Variants in SKAP1 observed in about 807,000 individuals in gnomAD.
SKAP1 encodes src kinase associated phosphoprotein 1.
SKAP1 carries 44 observed loss-of-function variants against 58.5 expected under a neutral mutation model. That is an observed-to-expected ratio of 0.75 (90% CI 0.59 to 0.97). The LOEUF (loss-of-function observed/expected upper bound fraction) is 0.97. Ranked by LOEUF, SKAP1 falls within the 50% of genes least tolerant of loss-of-function variation. The pLI is 0.00. For missense variants in SKAP1, 390 were observed against 435.2 expected, an observed-to-expected ratio of 0.90 and a Z score of 0.92; for synonymous variants, 127 against 149.7, an observed-to-expected ratio of 0.85 and a Z score of 1.11.
chr17:48,193,756 A>G, intron 4 of SKAP1: 1 of 984,524 alleles, frequency 1.0e-6, no homozygotes, highest in Non-Finnish European at 1.2e-6. Flanking sequence ...GGAATCTTGT[A>G]TGCCTGGATC....
rs1056910668 is a variant in SKAP1 at position 48,189,361 on chromosome 17, T to G, written c.358+62A>C. 30 of 1,395,930 alleles carry G rather than the reference T, an allele frequency of 2.1e-5. No individual in the cohort carries two copies. The African/African-American group carries it at 3.7e-4, about 17-fold the overall frequency. 86.5% of individuals were successfully genotyped at this position (1,395,930 alleles called of 1,614,324 possible). On this transcript the variant is annotated intron_variant, in intron 5 of 12. Transcript: ENST00000336915. ...GAGAAGGCATCCAATGTGTTAGCCT[T>G]CTTTTTCCTCACTTCCCTTCCCTTC...
At chr17:48,270,581 T>A (rs1309771641) in intron 4 of SKAP1, among the ~76,000 whole-genome samples, 1 of 152,072 alleles carries the variant, frequency 6.6e-6, no homozygotes, top group Non-Finnish European at 1.5e-5. Flanking sequence ...GACCTAGTGA[T>A]CTGCCGGCCT....
intron 4 of SKAP1, among the ~76,000 whole-genome samples, chr17:48,280,652 T>C (rs1275725944): frequency 6.6e-6 from 1 of 152,226 alleles, no homozygotes; most frequent in Non-Finnish European, 1.5e-5. Flanking sequence ...AAAAGCTCCT[T>C]TTTGCCCCTT....
chr17:48,219,929 A>G (rs886459508), intron 4 of SKAP1, among the ~76,000 whole-genome samples: 3 of 152,216 alleles, frequency 2.0e-5, no homozygotes, highest in Non-Finnish European at 4.4e-5. Flanking sequence ...GTACAATGGA[A>G]GCAGGAAAAA....
chr17:48,326,976 C>T (rs2066446118), intron 4 of SKAP1, among the ~76,000 whole-genome samples: 1 of 149,568 alleles, frequency 6.7e-6, no homozygotes, highest in Non-Finnish European at 1.5e-5. Flanking sequence ...ACTGCAACCT[C>T]TGTCTCCCAC....
chr17:48,182,943 A>T (rs1446522706), intron 7 of SKAP1, among the ~76,000 whole-genome samples: 2 of 152,214 alleles, frequency 1.3e-5, no homozygotes, highest in Non-Finnish European at 2.9e-5. Flanking sequence ...TGGTGGACAG[A>T]GTTGGACATT....
intron 2 of SKAP1, among the ~76,000 whole-genome samples, chr17:48,367,136 C>A (rs936400484): frequency 6.6e-6 from 1 of 151,980 alleles, no homozygotes. Context: ...TCTTGTCAGT[C>A]GAGAAGAAAT....
At chr17:48,320,031 C>A (rs766798090) in intron 4 of SKAP1, among the ~76,000 whole-genome samples, 8 of 151,596 alleles carry the variant, frequency 5.3e-5, no homozygotes, top group African/African-American at 7.3e-5. Context: ...GTTAAAAAAA[C>A]CCTGAAAACA....
chr17:48,157,238 CT>C (rs11314766), intron 11 of SKAP1, among the ~76,000 whole-genome samples: 125,727 of 143,412 alleles, frequency 0.88, 55,039 homozygotes, highest in Admixed American at 0.91. Flanking sequence ...TGGGGAGCAT[CT>C]TTTTTTTTTT....
intron 4 of SKAP1, among the ~76,000 whole-genome samples, chr17:48,271,959 G>A (rs1336093889): frequency 6.6e-6 from 1 of 151,672 alleles, no homozygotes; most frequent in African/African-American, 2.4e-5. Flanking sequence ...AACATGGAAG[G>A]GTATACTTCT....
In SKAP1 at chr17:48,401,092, G is replaced by A. The variant is rs569577870; in HGVS notation, c.47-4307C>T. Among the ~76,000 whole-genome samples, 5 of 152,232 alleles carry A rather than the reference G, an allele frequency of 3.3e-5. No homozygotes were observed. In the East Asian group the frequency reaches 7.7e-4, roughly 23 times the overall value. ...AGGCTGAGACGGGTGGATCACCTGA[G>A]GTCAGGAGTTCAAGACCAGACTGGT... On this transcript the variant is annotated intron_variant, in intron 1 of 12. Coordinates refer to ENST00000336915, the MANE Select transcript of SKAP1 (RefSeq NM_003726.4).
intron 4 of SKAP1, among the ~76,000 whole-genome samples, chr17:48,322,350 T>C (rs1343584318): frequency 2.0e-5 from 3 of 152,214 alleles, no homozygotes; most frequent in Non-Finnish European, 4.4e-5. Flanking sequence ...TATTTGTGTA[T>C]GCATATATAT....
chr17:48,253,057 T>C (rs1443545138), intron 4 of SKAP1, among the ~76,000 whole-genome samples: 2 of 152,182 alleles, frequency 1.3e-5, no homozygotes, highest in Non-Finnish European at 2.9e-5. Flanking sequence ...TGTGGTCCTC[T>C]GGTCACTCTT....
At chr17:48,296,063 A>T (rs926678818) in intron 4 of SKAP1, among the ~76,000 whole-genome samples, 1 of 152,140 alleles carries the variant, frequency 6.6e-6, no homozygotes, top group African/African-American at 2.4e-5. Flanking sequence ...TACTATAGAG[A>T]CAGAGAAAGA....
intron 11 of SKAP1, among the ~76,000 whole-genome samples, chr17:48,151,431 C>A (rs912076481): frequency 6.6e-6 from 1 of 152,140 alleles, no homozygotes; most frequent in Non-Finnish European, 1.5e-5. Context: ...GCAGGATTGT[C>A]GTCGCTGTTT....
chr17:48,323,321 T>C (rs1203978138), intron 4 of SKAP1, among the ~76,000 whole-genome samples: 1 of 151,896 alleles, frequency 6.6e-6, no homozygotes, highest in Non-Finnish European at 1.5e-5. Context: ...AGCTCCAGCA[T>C]AGCTAATGTA....
chr17:48,220,218 A>G (rs1598438202), intron 4 of SKAP1, among the ~76,000 whole-genome samples: 2 of 152,348 alleles, frequency 1.3e-5, no homozygotes, highest in East Asian at 3.9e-4. Context: ...CAGAAATGCC[A>G]ACATAGTGGT....
Position 48,255,428 on chromosome 17 carries a change from G to GTA in SKAP1, c.281-65930_281-65929dup, listed in dbSNP as rs962827774. Among the ~76,000 whole-genome samples the GTA allele has an allele frequency of 8.9e-4, 132 of 148,262 alleles. 1 individual carries two copies. The highest frequency in any genetic ancestry group is 2.4e-3 in the African/African-American group (97 of 40,660). On this transcript the variant is annotated intron_variant, in intron 4 of 12. Coordinates refer to ENST00000336915, the MANE Select transcript of SKAP1 (RefSeq NM_003726.4). ...CAGTACTAACTAAATATATATATAT[G>GTA]TATATATATATATTTACATATAGTT...
chr17:48,139,092 G>T (rs1452102442), intron 11 of SKAP1, among the ~76,000 whole-genome samples: 1 of 150,838 alleles, frequency 6.6e-6, no homozygotes, highest in Non-Finnish European at 1.5e-5. Context: ...TGTTGGCCAG[G>T]GTGGTCTCGA....
Sources: allele counts gnomAD v4.1 joint callset (sites outside exome capture counted in the v4.1 genomes callset), GRCh38; gene constraint gnomAD v4.1.1; transcripts MANE v1.5; gene names NCBI Gene and HGNC (gene_info 2026-07-23, HGNC 2026-07-21).